The following PGGT1B variants were observed in gnomAD, a reference collection of about 807,000 sequenced individuals.
The protein encoded by PGGT1B is geranylgeranyl transferase type-1 subunit beta.
PGGT1B carries 30 observed loss-of-function variants against 46.1 expected under a neutral mutation model. The observed-to-expected ratio is 0.65, with a 90% CI of 0.49 to 0.88. The LOEUF is 0.88. PGGT1B is among the 40% of genes least tolerant of loss of function. PGGT1B has a pLI of 0.00. For missense variants in PGGT1B, 376 were observed against 455.9 expected, an observed-to-expected ratio of 0.82 and a Z score of 1.60; for synonymous variants, 170 against 160.0, an observed-to-expected ratio of 1.06 and a Z score of -0.47.
chr5:115,219,718 A>T (rs1374577706), intron 7 of PGGT1B, among the ~76,000 whole-genome samples: 1 of 151,918 alleles, frequency 6.6e-6, no homozygotes, highest in Admixed American at 6.6e-5. Flanking sequence ...AATATCCAGA[A>T]TATATGAACT....
intron 1 of PGGT1B, among the ~76,000 whole-genome samples, chr5:115,258,574 T>C (rs868182319): frequency 6.6e-6 from 1 of 152,196 alleles, no homozygotes; most frequent in South Asian, 2.1e-4. Context: ...GAGAACTAAT[T>C]GAAGTTTTCT....
intron 8 of PGGT1B, among the ~76,000 whole-genome samples, chr5:115,214,082 G>C (rs1756332581): frequency 6.6e-6 from 1 of 151,806 alleles, no homozygotes; most frequent in African/African-American, 2.4e-5. Context: ...AACTACAAAG[G>C]GTACAAAGCA....
intron 7 of PGGT1B, 83 bp from the exon 8 acceptor site, chr5:115,217,056 G>A (rs1756442304): frequency 4.3e-6 from 3 of 693,708 alleles, no homozygotes; most frequent in Admixed American, 5.0e-5. Context: ...GTGTCATTTA[G>A]ATATGCTTTT....
At chr5:115,238,505 C>G (rs1217685234) in intron 3 of PGGT1B, among the ~76,000 whole-genome samples, 1 of 151,534 alleles carries the variant, frequency 6.6e-6, no homozygotes, top group African/African-American at 2.4e-5. Flanking sequence ...ATCACGCTAT[C>G]ACTTATAATT....
intron 8 of PGGT1B, among the ~76,000 whole-genome samples, chr5:115,214,828 C>T (rs569106128): frequency 6.6e-6 from 1 of 152,222 alleles, no homozygotes; most frequent in South Asian, 2.1e-4. Context: ...AAAACAGTAC[C>T]CTGCACTGGT....
intron 6 of PGGT1B, among the ~76,000 whole-genome samples, chr5:115,230,019 G>C (rs1290101093): frequency 6.6e-6 from 1 of 152,052 alleles, no homozygotes; most frequent in African/African-American, 2.4e-5. Flanking sequence ...ATGTATACAA[G>C]GCTATGGGAT....
intron 5 of PGGT1B, 96 bp from the exon 6 acceptor site, chr5:115,231,117 T>C (rs192743702): frequency 3.9e-4 from 231 of 591,642 alleles, no homozygotes; most frequent in Non-Finnish European, 5.9e-4. Context: ...TTAGGTCTCT[T>C]TAAATTTTAT....
intron 6 of PGGT1B, among the ~76,000 whole-genome samples, chr5:115,224,322 T>C (rs981863627): frequency 1.3e-5 from 2 of 152,148 alleles, no homozygotes; most frequent in Non-Finnish European, 2.9e-5. Context: ...CAATTAAGGA[T>C]TACTCCTCAA....
Position 115,229,676 on chromosome 5 carries a change from C to T in PGGT1B, c.658+1300G>A, listed in dbSNP as rs1756917688. 2.0e-5 allele frequency among the ~76,000 whole-genome samples: 3 copies of T among 152,262 alleles called. No individual in the cohort carries two copies. In the South Asian group the frequency reaches 6.2e-4, roughly 31 times the overall value. On this transcript the variant is annotated intron_variant, in intron 6 of 8. Transcript: ENST00000419445. The stretch of plus-strand genomic sequence containing the variant: ...TCCTTAGCCAGAGTGTACACTAATA[C>T]CACCTACAATAGTAAACACCAGATC...
At chr5:115,236,088 T>C (rs17137563) in intron 5 of PGGT1B, among the ~76,000 whole-genome samples, 2,042 of 152,240 alleles carry the variant, frequency 0.013, 47 homozygotes, top group African/African-American at 0.046. Context: ...TAACTCCTGC[T>C]AGAATAGGCT....
At chr5:115,260,896 G>A (rs999079056) in intron 1 of PGGT1B, among the ~76,000 whole-genome samples, 7 of 152,312 alleles carry the variant, frequency 4.6e-5, no homozygotes, top group Non-Finnish European at 7.4e-5. Flanking sequence ...ATATGGATTT[G>A]TCCAAGCTGG....
intron 2 of PGGT1B, among the ~76,000 whole-genome samples, chr5:115,248,324 A>G (rs1747944258): frequency 6.6e-6 from 1 of 152,222 alleles, no homozygotes; most frequent in Non-Finnish European, 1.5e-5. Flanking sequence ...AAGGACTAGA[A>G]AACTGCATTC....
At chr5:115,255,458 C>G (rs1166121278) in intron 1 of PGGT1B, among the ~76,000 whole-genome samples, 1 of 152,112 alleles carries the variant, frequency 6.6e-6, no homozygotes, top group Non-Finnish European at 1.5e-5. Flanking sequence ...CTAACCCTCC[C>G]GGAGAGCTCT....
chr5:115,260,261 C>T (rs570474036), intron 1 of PGGT1B, among the ~76,000 whole-genome samples: 1 of 152,076 alleles, frequency 6.6e-6, no homozygotes, highest in Non-Finnish European at 1.5e-5. Context: ...AAATAAGTGT[C>T]TAAATATCCA....
intron 1 of PGGT1B, among the ~76,000 whole-genome samples, chr5:115,256,900 G>T (rs1400843905): frequency 1.3e-5 from 2 of 152,188 alleles, no homozygotes; most frequent in Non-Finnish European, 2.9e-5. Context: ...TCAAGCCAAT[G>T]AAGTTATTTT....
At chr5:115,217,398 T>A (rs978384737) in intron 7 of PGGT1B, among the ~76,000 whole-genome samples, 36 of 152,120 alleles carry the variant, frequency 2.4e-4, no homozygotes, top group African/African-American at 8.4e-4. Context: ...AAACAAAAAT[T>A]ACTAACCAGA....
At chr5:115,217,741 A>G (rs1391470605) in intron 7 of PGGT1B, among the ~76,000 whole-genome samples, 1 of 152,012 alleles carries the variant, frequency 6.6e-6, no homozygotes, top group Non-Finnish European at 1.5e-5. Context: ...CTAAACTCAT[A>G]AGAAAGTTAT....
At chr5:115,255,155 T>C (rs1748259403) in intron 1 of PGGT1B, among the ~76,000 whole-genome samples, 1 of 152,248 alleles carries the variant, frequency 6.6e-6, no homozygotes, top group Admixed American at 6.5e-5. Context: ...GCCATTATCC[T>C]TGGTCTTTGC....
At chr5:115,213,079 C>T (rs1756288073) in intron 8 of PGGT1B, among the ~76,000 whole-genome samples, 1 of 152,196 alleles carries the variant, frequency 6.6e-6, no homozygotes. Flanking sequence ...ACTATCCTAA[C>T]ATTGTGTTAA....
Sources: allele counts gnomAD v4.1 joint callset (sites outside exome capture counted in the v4.1 genomes callset), GRCh38; gene constraint gnomAD v4.1.1; transcripts MANE v1.5; gene names NCBI Gene and HGNC (gene_info 2026-07-23, HGNC 2026-07-21).